Variants in VWF observed in about 807,000 individuals in gnomAD.
VWF encodes the protein Factor VIII related antigen.
In VWF, 176 loss-of-function variants were observed where a neutral mutation model predicts 308.6. The ratio of observed to expected loss-of-function variants is 0.57; its 90% CI spans 0.50 to 0.65. The LOEUF is 0.65. VWF is among the 30% of genes least tolerant of loss of function. The pLI, the probability that VWF is intolerant of heterozygous loss-of-function variation, is 0.00. For missense variants in VWF, 3,146 were observed against 3,648.2 expected (o/e 0.86, Z 3.55); for synonymous variants, 1,385 against 1,443.4 (o/e 0.96, Z 0.92).
intron 6 of VWF, among the ~76,000 whole-genome samples, chr12:6,092,712 C>T (rs935019425): frequency 2.0e-5 from 3 of 150,596 alleles, no homozygotes; most frequent in African/African-American, 7.4e-5. Context: ...CCACCAACCA[C>T]GGAATGGTTC....
At chr12:5,978,220 G>A (rs1044445070) in intron 42 of VWF, among the ~76,000 whole-genome samples, 2 of 151,172 alleles carry the variant, frequency 1.3e-5, no homozygotes, top group African/African-American at 4.9e-5. Flanking sequence ...ATCCCCCAAT[G>A]AGGTTTTTTT....
At position 5,967,581 on chromosome 12, in the gene VWF, C is replaced by T. The variant is rs772325737; in HGVS notation, c.7792G>A (p.Asp2598Asn). The T allele has an allele frequency of 3.7e-6, 6 of 1,613,960 alleles. No individual in the cohort carries two copies. The highest frequency in any genetic ancestry group is 2.2e-5 in the South Asian group (2 of 91,080). ...VIGPGKTVMI[D>N]VCTTCRCMVQ... The stretch of plus-strand genomic sequence containing the variant: ...ATGCAGCGGCAGGTCGTGCACACAT[C>T]GATCATCACAGTCTTCCCGGGCTGG... The change falls in exon 47 of 52, where the codon GAT (aspartate) becomes AAT (asparagine). Residue 2598 changes from aspartate (D) to asparagine (N), a missense_variant. By Grantham distance (23) the Asp-to-Asn change is conservative. Coordinates refer to ENST00000261405, the MANE Select transcript of VWF (RefSeq NM_000552.5).
intron 42 of VWF, among the ~76,000 whole-genome samples, chr12:5,979,849 G>A (rs942617669): frequency 1.3e-5 from 2 of 150,944 alleles, no homozygotes; most frequent in African/African-American, 4.9e-5. Flanking sequence ...AGACCATCCT[G>A]GCTAACACAG....
At chr12:6,115,464 C>G (rs1284466491) in intron 3 of VWF, among the ~76,000 whole-genome samples, 1 of 152,154 alleles carries the variant, frequency 6.6e-6, no homozygotes, top group Non-Finnish European at 1.5e-5. Context: ...AAAAACACAA[C>G]TTTATGACTC....
At chr12:5,985,483 G>A in intron 39 of VWF, 80 bp downstream of exon 39, 1 of 1,442,128 alleles carries the variant, frequency 6.9e-7, no homozygotes, top group Non-Finnish European at 9.6e-7. Flanking sequence ...TGCTCTGCCA[G>A]AGGTGAAGAT....
At chr12:6,117,645 G>A (rs771985414) in intron 3 of VWF, among the ~76,000 whole-genome samples, 5 of 152,224 alleles carry the variant, frequency 3.3e-5, no homozygotes, top group African/African-American at 7.2e-5. Flanking sequence ...GAGAAACCCC[G>A]TCTCTACTAA....
chr12:6,110,768 G>A, intron 4 of VWF, 98 bp downstream of exon 4: 4 of 1,408,462 alleles, frequency 2.8e-6, no homozygotes, highest in Non-Finnish European at 4.0e-6. Context: ...TGGAACATTT[G>A]CTTCCATTCT....
Position 5,985,051 on chromosome 12 carries a change from C to T in VWF, c.6970G>A (p.Glu2324Lys). The T allele has an allele frequency of 3.1e-6, 5 of 1,614,218 alleles. No individual in the cohort carries two copies. The highest frequency in any genetic ancestry group is 1.1e-5 in the South Asian group (1 of 91,092). Residue 2324 changes from glutamate (E) to lysine (K), a missense_variant, in exon 40 of 52, where the codon GAG (glutamate) becomes AAG (lysine). Physicochemically the swap from Glu to Lys is moderately conservative, Grantham distance 56. Transcript: ENST00000261405. ...QNADQCCPEYECVCDPVSCDL... is the reference protein window; with the variant it reads ...QNADQCCPEYKCVCDPVSCDL... The stretch of plus-strand genomic sequence containing the variant: ...CCCCTGGTGGGACACATACCACACT[C>T]ATACTCGGGGCAGCACTGGTCTGCA...
At chr12:6,092,679 C>G (rs1945062590) in intron 6 of VWF, among the ~76,000 whole-genome samples, 1 of 126,940 alleles carries the variant, frequency 7.9e-6, no homozygotes, top group Non-Finnish European at 1.6e-5. Flanking sequence ...GTGTGCTGAC[C>G]AGCATTCCTT....
At chr12:6,123,620 C>T (rs1945456036) in intron 1 of VWF, among the ~76,000 whole-genome samples, 1 of 152,166 alleles carries the variant, frequency 6.6e-6, no homozygotes, top group Non-Finnish European at 1.5e-5. Context: ...GCAGCCCAGA[C>T]ATAGAGAATG....
Position 6,030,627 on chromosome 12 carries a change from G to A in VWF, c.2820+817C>T, listed in dbSNP as rs533883950. ...TCAGAATCTCAGCATGGAGTTCTAG[G>A]AGCCACATTTTAAACAAGATCTCCT... On this transcript the variant is annotated intron_variant, in intron 21 of 51. Coordinates refer to ENST00000261405, the MANE Select transcript of VWF (RefSeq NM_000552.5). Among the ~76,000 whole-genome samples, 9 of 152,234 alleles carry A rather than the reference G, an allele frequency of 5.9e-5. No homozygotes were observed. The South Asian group carries it at 1.9e-3, about 32-fold the overall frequency.
At position 6,031,292 on chromosome 12, in the gene VWF, T is replaced by C. The variant is rs961662666; in HGVS notation, c.2820+152A>G. Reference sequence around the variant, plus strand: ...CTTGTTCTTCTCATAAAATAATACGTCACGGTCAGTTGCAATAGCTCTGCC... The same window carrying C: ...CTTGTTCTTCTCATAAAATAATACGCCACGGTCAGTTGCAATAGCTCTGCC... On this transcript the variant is annotated intron_variant, in intron 21 of 51. Transcript: ENST00000261405. 1.1e-5 allele frequency: 15 copies of C among 1,314,830 alleles called. No individual in the cohort carries two copies. The East Asian group carries it at 3.4e-4, about 30-fold the overall frequency. 81.4% of individuals were successfully genotyped at this position (1,314,830 alleles called of 1,614,324 possible).
In VWF at chr12:6,057,008, G is replaced by C. The variant is rs35302737; in HGVS notation, c.1794C>G (p.Ala598=). The change falls in exon 15 of 52, where the codon GCC becomes GCG. Residue 598 remains alanine, a synonymous_variant. Transcript: ENST00000261405. Reference sequence around the variant, plus strand: ...TCCGCAGGTAGGGCAGCGGGCTGACGGCACGATGGCAGGCCTCGAATGTGG... The same window carrying C: ...TCCGCAGGTAGGGCAGCGGGCTGACCGCACGATGGCAGGCCTCGAATGTGG... ...TSPTFEACHR[A]VSPLPYLRNC... 3 of 1,549,326 alleles carry C rather than the reference G, an allele frequency of 1.9e-6. No individual in the cohort carries two copies. The highest frequency in any genetic ancestry group is 1.9e-5 in the Admixed American group (1 of 52,204).
intron 6 of VWF, among the ~76,000 whole-genome samples, chr12:6,081,706 C>T (rs1220376656): frequency 6.6e-6 from 1 of 152,044 alleles, no homozygotes; most frequent in African/African-American, 2.4e-5. Context: ...CAGCAGTGCA[C>T]GAGGTCAAAA....
At chr12:6,117,849 A>T (rs941568516) in intron 3 of VWF, among the ~76,000 whole-genome samples, 1 of 152,186 alleles carries the variant, frequency 6.6e-6, no homozygotes, top group African/African-American at 2.4e-5. Flanking sequence ...GGAGGCTAAG[A>T]CAGCACAACT....
At chr12:6,007,034 G>A (rs571551108) in intron 34 of VWF, among the ~76,000 whole-genome samples, 1 of 152,276 alleles carries the variant, frequency 6.6e-6, no homozygotes, top group South Asian at 2.1e-4. Context: ...AATTCACCAG[G>A]AAGATATAAG....
At chr12:5,952,280 G>T in intron 49 of VWF, 111 bp downstream of exon 49, 1 of 1,442,216 alleles carries the variant, frequency 6.9e-7, no homozygotes. Context: ...CTAGGCCAGA[G>T]ATGTGCCTCA....
At chr12:6,057,528 T>A (rs1362547822) in intron 14 of VWF, among the ~76,000 whole-genome samples, 1 of 99,042 alleles carries the variant, frequency 1.0e-5, no homozygotes, top group Non-Finnish European at 2.2e-5. Flanking sequence ...TATTATTATT[T>A]TAATAGAAAT....
intron 47 of VWF, among the ~76,000 whole-genome samples, chr12:5,964,701 G>A (rs1943378915): frequency 6.6e-6 from 1 of 152,182 alleles, no homozygotes; most frequent in Admixed American, 6.5e-5. Flanking sequence ...CATGAACTTG[G>A]CGTGTCTTCA....
Sources: allele counts gnomAD v4.1 joint callset (sites outside exome capture counted in the v4.1 genomes callset), GRCh38; gene constraint gnomAD v4.1.1; transcripts MANE v1.5; gene names NCBI Gene and HGNC (gene_info 2026-07-23, HGNC 2026-07-21).